Variants in COL6A2 observed in about 807,000 individuals in gnomAD.
COL6A2 encodes the protein collagen alpha-2(VI) chain.
COL6A2 carries 90 observed loss-of-function variants against 124.9 expected under a neutral mutation model. The ratio of observed to expected loss-of-function variants is 0.72; its 90% confidence interval spans 0.61 to 0.86. The LOEUF is 0.86. Among genes scored for constraint, COL6A2 ranks in the 40% least tolerant of loss-of-function variants. The pLI is 0.00. For synonymous variants in COL6A2, 793 were observed against 618.2 expected, an observed-to-expected ratio of 1.28 and a Z score of -4.19; for missense variants, 1,607 against 1,502.5, an observed-to-expected ratio of 1.07 and a Z score of -1.15.
intron 12 of COL6A2, 149 bp from the exon 13 acceptor site, chr21:46,118,465 C>G: frequency 1.4e-6 from 1 of 738,440 alleles, no homozygotes; most frequent in Non-Finnish European, 2.4e-6. Flanking sequence ...TCCAGCAGCC[C>G]CCAGCCAGCA....
chr21:46,129,192 G>A lies in COL6A2; in HGVS notation c.2461+2651G>A, dbSNP rs938519335. The A allele has an allele frequency of 4.3e-6, 7 of 1,612,756 alleles. No homozygotes were observed. In the African/African-American group the frequency reaches 6.7e-5, roughly 15 times the overall value. ...TACAGTCTTCTCTGGACGCTCCCTT[G>A]CAGATGCACCGTGGCCTGGCGGCGA... is the stretch of plus-strand genomic sequence containing the variant. On this transcript the variant is annotated intron_variant, in intron 27 of 27. Transcript: ENST00000300527.
At chr21:46,117,616 T>C (rs557235964) in intron 11 of COL6A2, 163 bp downstream of exon 11, 8 of 809,242 alleles carry the variant, frequency 9.9e-6, no homozygotes, top group South Asian at 3.1e-5. Flanking sequence ...GTCGGAGTCA[T>C]GTGAGGAACT....
intron 27 of COL6A2, chr21:46,128,947 G>A (rs200464184): frequency 1.9e-5 from 30 of 1,611,324 alleles, no homozygotes; most frequent in East Asian, 1.3e-4. Context: ...CTCGGGGTCC[G>A]TGGTGTCCCC....
intron 1 of COL6A2, among the ~76,000 whole-genome samples, chr21:46,099,698 A>T (rs2123586362): frequency 6.6e-6 from 1 of 152,184 alleles, no homozygotes; most frequent in African/African-American, 2.4e-5. Context: ...CCCAGGATCC[A>T]AACACCCAGC....
intron 12 of COL6A2, 60 bp from the exon 13 acceptor site, chr21:46,118,554 C>A: frequency 6.5e-7 from 1 of 1,539,680 alleles, no homozygotes; most frequent in Non-Finnish European, 8.9e-7. Context: ...CCGCAGCGGG[C>A]ATCCTGCACC....
intron 15 of COL6A2, 121 bp downstream of exon 15, chr21:46,119,971 G>C: frequency 1.1e-6 from 1 of 886,404 alleles, no homozygotes; most frequent in South Asian, 1.4e-5. Context: ...ACTCTCCAGA[G>C]TTCACTCTCT....
In COL6A2 at chr21:46,132,599, C is replaced by A; in HGVS notation, c.*47C>A. The A allele has an allele frequency of 6.5e-7, 1 of 1,533,342 alleles. No individual in the cohort carries two copies. The highest frequency in any genetic ancestry group is 8.8e-7 in the Non-Finnish European group (1 of 1,137,360). The allele number at this position is 1,533,342 out of a possible 1,614,324, so 95.0% of individuals were successfully genotyped here. On this transcript the variant is annotated 3_prime_UTR_variant, in exon 28 of 28. Coordinates refer to ENST00000300527, the MANE Select transcript of COL6A2 (RefSeq NM_001849.4). ...GTCGAGGGTCGTGAGCCCACCCCGT[C>A]CATGGTGCTAAGCGGGCCCGGGTCC...
chr21:46,117,879 C>T lies in COL6A2; in HGVS notation c.1059C>T (p.Pro353=), dbSNP rs1381119779. The T allele has an allele frequency of 6.2e-6, 10 of 1,611,300 alleles. No homozygotes were observed. The highest frequency in any genetic ancestry group is 2.2e-5 in the East Asian group (1 of 44,804). The change falls in exon 12 of 28, where the codon CCC becomes CCT. Residue 353 remains proline, a synonymous_variant. Coordinates refer to ENST00000300527, the MANE Select transcript of COL6A2 (RefSeq NM_001849.4). ...ACCTCTCACTCCTCTCTCAGGGCCC[C>T]GACGGTTACCCGGGGGAAGCAGGGA... The part of the protein sequence containing the change: ...GCKGDPGNRG[P]DGYPGEAGSP...
At position 46,116,581 on chromosome 21, in the gene COL6A2, C is replaced by T. The variant is rs2078473729; in HGVS notation, c.928-70C>T. ...TTGAGTTTGGCCCAAGGGCTTTGCC[C>T]CCCAGAGGCAGCAGTGCCCATGATG... On this transcript the variant is annotated intron_variant, in intron 8 of 27. Coordinates refer to ENST00000300527, the MANE Select transcript of COL6A2 (RefSeq NM_001849.4). This position sits in a 1 kb window ranked among gnomAD's most constrained non-coding sequence, Gnocchi z 4.6. The T allele has an allele frequency of 1.9e-6, 3 of 1,607,618 alleles. No individual in the cohort carries two copies. The highest frequency in any genetic ancestry group is 2.6e-6 in the Non-Finnish European group (3 of 1,175,936).
intron 1 of COL6A2, among the ~76,000 whole-genome samples, chr21:46,101,739 C>G (rs2078288977): frequency 6.6e-6 from 1 of 151,286 alleles, no homozygotes; most frequent in Admixed American, 6.6e-5. Context: ...TTCTGTTGGT[C>G]TGTATGTCTG....
At chr21:46,118,005 C>A in intron 12 of COL6A2, 69 bp downstream of exon 12, 1 of 1,477,910 alleles carries the variant, frequency 6.8e-7, no homozygotes, top group South Asian at 1.2e-5. Context: ...GGAGGCAGCC[C>A]CAGCTGAGAA....
chr21:46,122,027 C>T (rs1360611809), intron 18 of COL6A2, 81 bp from the exon 19 acceptor site: 4 of 1,449,476 alleles, frequency 2.8e-6, no homozygotes, highest in Non-Finnish European at 2.9e-6. Flanking sequence ...CCCCAGTGTG[C>T]ACCTTGCGCC....
chr21:46,118,440 A>G (rs2078510079), intron 12 of COL6A2, among the ~76,000 whole-genome samples, 174 bp from the exon 13 acceptor site: 1 of 152,190 alleles, frequency 6.6e-6, no homozygotes. Flanking sequence ...CTCTGCCCTC[A>G]GCTGGCACGG....
rs367980010 is a variant in COL6A2 at position 46,132,335 on chromosome 21, C to A, written c.2843C>A (p.Thr948Lys). ...RHAELSFVFL[T>K]DGVTGNDSLH... ...GCAGAGCTGTCCTTCGTGTTCCTCA[C>A]GGACGGCGTCACGGGCAACGACAGT... Residue 948 changes from threonine (T) to lysine (K), a missense_variant, in exon 28 of 28, where the codon ACG becomes AAG. Physicochemically the swap from Thr to Lys is moderately conservative, Grantham distance 78. Transcript: ENST00000300527. The A allele has an allele frequency of 6.2e-7, 1 of 1,607,802 alleles. No homozygotes were observed. Among genetic ancestry groups the A allele is most frequent in the Non-Finnish European group, 8.5e-7 (1 of 1,179,556 alleles).
chr21:46,129,503 C>T, intron 27 of COL6A2: 1 of 1,549,998 alleles, frequency 6.5e-7, no homozygotes, highest in South Asian at 1.2e-5. Context: ...GCCCGGGCAC[C>T]CGCCCAGCCG....
intron 15 of COL6A2, 73 bp downstream of exon 15, chr21:46,119,923 C>A: frequency 2.3e-6 from 3 of 1,320,146 alleles, no homozygotes; most frequent in Non-Finnish European, 3.2e-6. Context: ...GGGCCCCAAC[C>A]CCATTCCTCC....
In COL6A2 at chr21:46,121,119, A is replaced by G; in HGVS notation, c.1454A>G (p.Lys485Arg). The G allele has an allele frequency of 1.2e-6, 2 of 1,612,730 alleles. No homozygotes were observed. Among genetic ancestry groups the G allele is most frequent in the East Asian group, 4.5e-5 (2 of 44,866 alleles). The change falls in exon 17 of 28, where the codon AAG becomes AGG. Residue 485 changes from lysine (K) to arginine (R), a missense_variant. Transcript: ENST00000300527. ...GPQGALGEPG[K>R]QGSRGDPGDA... is the part of the protein sequence containing the mutation. ...CAGGGAGCTCTTGGGGAGCCCGGAA[A>G]GCAGGTCAGTGTCAGTGCAGGAGGC...
At chr21:46,114,437 A>G (rs933107197) in intron 5 of COL6A2, among the ~76,000 whole-genome samples, 1 of 151,856 alleles carries the variant, frequency 6.6e-6, no homozygotes. Context: ...AAAAAAAAAA[A>G]AAAGAAAAGA....
At chr21:46,126,680 G>A in intron 27 of COL6A2, 139 bp downstream of exon 27, 1 of 1,034,080 alleles carries the variant, frequency 9.7e-7, no homozygotes, top group Non-Finnish European at 1.5e-6. Context: ...TGCTCCTTAG[G>A]GAGATGGCCC....
Sources: allele counts gnomAD v4.1 joint callset (sites outside exome capture counted in the v4.1 genomes callset), GRCh38; gene constraint gnomAD v4.1.1; non-coding constraint Gnocchi (gnomAD v3.1); transcripts MANE v1.5; gene names NCBI Gene and HGNC (gene_info 2026-07-23, HGNC 2026-07-21).